Variants in GXYLT1 observed in about 807,000 individuals in gnomAD.
GXYLT1 encodes glycosyltransferase 8 domain containing 3.
In GXYLT1, 29 loss-of-function variants were observed where a neutral mutation model predicts 54.0. The observed-to-expected ratio is 0.54, with a 90% CI of 0.40 to 0.73. GXYLT1 has a LOEUF of 0.73. GXYLT1 is among the 30% of genes least tolerant of loss of function. The pLI is 0.00. For missense variants in GXYLT1, 490 were observed against 553.4 expected (o/e 0.89, Z 1.15); for synonymous variants, 176 against 204.1 (o/e 0.86, Z 1.17).
rs146720828 is a variant in GXYLT1, at chr12:42,100,886, TATACACAGAA to T, written c.865-2863_865-2854del. Among the ~76,000 whole-genome samples the T allele has an allele frequency of 7.4e-3, 1,121 of 151,936 alleles. 30 individuals are homozygous for T. The East Asian group carries it at 0.1, about 14-fold the overall frequency. ...CTTCATGTGATTCTATCTATTCAAA[TATACACAGAA>T]ATACAGATACATATTTAAATTATAA... On this transcript the variant is annotated intron_variant, in intron 5 of 7. Coordinates refer to ENST00000398675, the MANE Select transcript of GXYLT1 (RefSeq NM_173601.2).
chr12:42,106,732 TTA>T (rs1214564422), intron 4 of GXYLT1, among the ~76,000 whole-genome samples: 1 of 151,124 alleles, frequency 6.6e-6, no homozygotes, highest in African/African-American at 2.4e-5. Flanking sequence ...AGGATAATTA[TTA>T]TTATTTTTCT....
rs2065299333 is a variant in GXYLT1, at chr12:42,087,263, A to T, written c.*523T>A. 6.6e-6 allele frequency: 1 copy of T among 152,390 alleles called. No homozygotes were observed. Among genetic ancestry groups the T allele is most frequent in the African/African-American group, 2.4e-5 (1 of 41,462 alleles). 9.4% of individuals were successfully genotyped at this position (152,390 alleles called of 1,614,324 possible). The stretch of plus-strand genomic sequence containing the variant: ...GATTGTCATAAAAATATTTTAAAAC[A>T]GAGATGAAATGTATAAAGGCACACA... On this transcript the variant is annotated 3_prime_UTR_variant, in exon 8 of 8. Coordinates refer to ENST00000398675, the MANE Select transcript of GXYLT1 (RefSeq NM_173601.2).
Position 42,086,264 on chromosome 12 carries a change from CT to C in GXYLT1, c.*1521del, listed in dbSNP as rs1280747658. The C allele has an allele frequency of 6.6e-6, 1 of 152,278 alleles. No individual in the cohort carries two copies. The highest frequency in any genetic ancestry group is 2.4e-5 in the African/African-American group (1 of 41,472). 9.4% of individuals were successfully genotyped at this position (152,278 alleles called of 1,614,324 possible). A position where few individuals can be genotyped will look rare whatever the true frequency, so the allele number is the denominator to read the frequency against. ...ACCCATCTGTTCTAAGAATGCTGGA[CT>C]GGTTATCAACTTCTAATGCACCCTG... On this transcript the variant is annotated 3_prime_UTR_variant, in exon 8 of 8. Transcript: ENST00000398675.
intron 2 of GXYLT1, among the ~76,000 whole-genome samples, chr12:42,121,474 CA>C (rs981271588): frequency 6.6e-6 from 1 of 151,886 alleles, no homozygotes; most frequent in Admixed American, 6.6e-5. Context: ...TCCACACACA[CA>C]AAAAAACTAG....
At position 42,087,173 on chromosome 12, in the gene GXYLT1, T is replaced by C. The variant is rs180958879; in HGVS notation, c.*613A>G. ...ATCCCAAAGTTTTCACTATTTTTCC[T>C]CTACCTTACACAGCTCAATTTTTAA... On this transcript the variant is annotated 3_prime_UTR_variant, in exon 8 of 8. Coordinates refer to ENST00000398675, the MANE Select transcript of GXYLT1 (RefSeq NM_173601.2). The C allele has an allele frequency of 2.0e-5, 3 of 151,306 alleles. No homozygotes were observed. Among genetic ancestry groups the C allele is most frequent in the Non-Finnish European group, 4.4e-5 (3 of 67,906 alleles). The allele number at this position is 151,306 out of a possible 1,614,324, so 9.4% of individuals were successfully genotyped here. A position where few individuals can be genotyped will look rare whatever the true frequency, so the allele number is the denominator to read the frequency against.
intron 1 of GXYLT1, among the ~76,000 whole-genome samples, chr12:42,137,309 C>T (rs2065625157): frequency 6.6e-6 from 1 of 151,892 alleles, no homozygotes; most frequent in Non-Finnish European, 1.5e-5. Flanking sequence ...GAGATCGAGA[C>T]CATCCTGGCT....
At chr12:42,088,649 T>A (rs903772717) in intron 7 of GXYLT1, among the ~76,000 whole-genome samples, 1 of 152,162 alleles carries the variant, frequency 6.6e-6, no homozygotes, top group African/African-American at 2.4e-5. Flanking sequence ...TGGAAAAGGC[T>A]GTGGTAGTAA....
intron 2 of GXYLT1, among the ~76,000 whole-genome samples, chr12:42,125,984 G>C (rs1171561263): frequency 6.6e-6 from 1 of 152,060 alleles, no homozygotes; most frequent in Non-Finnish European, 1.5e-5. Flanking sequence ...CCCTGGTGGT[G>C]CTACTGCACG....
chr12:42,142,766 A>G (rs1221479213), intron 1 of GXYLT1, among the ~76,000 whole-genome samples: 2 of 152,222 alleles, frequency 1.3e-5, no homozygotes, highest in Non-Finnish European at 2.9e-5. Context: ...AAACTTCACA[A>G]TCCAACTTTT....
chr12:42,119,648 A>C (rs1010414383), intron 2 of GXYLT1, among the ~76,000 whole-genome samples: 2 of 151,902 alleles, frequency 1.3e-5, no homozygotes, highest in Non-Finnish European at 2.9e-5. Context: ...TCCCTACAAA[A>C]AATACAAAAA....
At chr12:42,113,421 A>G (rs2065471826) in intron 3 of GXYLT1, among the ~76,000 whole-genome samples, 1 of 151,156 alleles carries the variant, frequency 6.6e-6, no homozygotes, top group African/African-American at 2.5e-5. Context: ...GGCTCAAAAT[A>G]AAAGGATGGA....
At chr12:42,112,733 C>G (rs1195079194) in intron 3 of GXYLT1, among the ~76,000 whole-genome samples, 2 of 151,546 alleles carry the variant, frequency 1.3e-5, no homozygotes, top group South Asian at 2.1e-4. Flanking sequence ...TATTATCCAG[C>G]AGAACTTCCC....
At chr12:42,095,967 G>A (rs1225340823) in intron 7 of GXYLT1, among the ~76,000 whole-genome samples, 1 of 152,152 alleles carries the variant, frequency 6.6e-6, no homozygotes, top group Non-Finnish European at 1.5e-5. Context: ...TGGTTTGGGG[G>A]TGGAGACAAT....
intron 4 of GXYLT1, among the ~76,000 whole-genome samples, chr12:42,108,539 C>A (rs562002428): frequency 1.3e-5 from 2 of 152,226 alleles, no homozygotes; most frequent in East Asian, 3.9e-4. Flanking sequence ...ACTTACAAAA[C>A]CTACGTGAAG....
At chr12:42,119,627 C>T (rs1323292346) in intron 2 of GXYLT1, among the ~76,000 whole-genome samples, 2 of 151,862 alleles carry the variant, frequency 1.3e-5, no homozygotes, top group African/African-American at 4.8e-5. Flanking sequence ...AGGCAACATA[C>T]CGAGATCCCA....
intron 2 of GXYLT1, among the ~76,000 whole-genome samples, chr12:42,127,195 T>C (rs2065567870): frequency 6.6e-6 from 1 of 152,130 alleles, no homozygotes; most frequent in African/African-American, 2.4e-5. Flanking sequence ...TTAAAGTAGA[T>C]ACTGAGATGG....
intron 5 of GXYLT1, among the ~76,000 whole-genome samples, chr12:42,100,109 T>C (rs899623689): frequency 6.6e-6 from 1 of 152,130 alleles, no homozygotes; most frequent in African/African-American, 2.4e-5. Context: ...GTTAAATACT[T>C]AAGGGAGCAA....
At chr12:42,114,309 A>C (rs1355117787) in intron 3 of GXYLT1, among the ~76,000 whole-genome samples, 2 of 152,248 alleles carry the variant, frequency 1.3e-5, no homozygotes, top group Non-Finnish European at 2.9e-5. Flanking sequence ...CAGAGACACA[A>C]AAAACACGTC....
intron 3 of GXYLT1, among the ~76,000 whole-genome samples, chr12:42,111,326 C>T (rs570515237): frequency 1.5e-3 from 234 of 152,302 alleles, no homozygotes; most frequent in Non-Finnish European, 2.8e-3. Flanking sequence ...CGAACCGGGG[C>T]GAGGCATCGC....
Sources: allele counts gnomAD v4.1 joint callset (sites outside exome capture counted in the v4.1 genomes callset), GRCh38; gene constraint gnomAD v4.1.1; transcripts MANE v1.5; gene names NCBI Gene and HGNC (gene_info 2026-07-23, HGNC 2026-07-21).